The following FMR1 variants were observed in gnomAD, a reference collection of about 807,000 sequenced individuals.
The protein encoded by FMR1 is fragile X messenger ribonucleoprotein 1, also known as FMRP translational regulator 1.
Under a neutral mutation model 50.6 loss-of-function variants are expected in FMR1, and 13 were observed. The observed-to-expected ratio is 0.26, with a 90% CI of 0.17 to 0.41. FMR1 has a LOEUF of 0.41. FMR1 is among the 10% of genes least tolerant of loss of function. The probability of loss-of-function intolerance (pLI) is 1.00; values close to 1 mark genes in which losing one functional copy is unlikely to be tolerated. For synonymous variants in FMR1, 138 were observed against 164.1 expected (o/e 0.84, Z 1.22); for missense variants, 316 against 491.3 (o/e 0.64, Z 3.37).
At chrX:147,929,598 G>A (rs1049940636) in intron 5 of FMR1, among the ~76,000 whole-genome samples, 7 of 107,610 alleles carry the variant, frequency 6.5e-5, no homozygotes, top group Admixed American at 2.0e-4. Flanking sequence ...TAAAAAAAAA[G>A]GAAAAAAAAA....
chrX:147,944,465 A>G (rs2044106814), intron 14 of FMR1: 2 of 751,703 alleles, frequency 2.7e-6, no homozygotes, highest in Non-Finnish European at 3.1e-6. Flanking sequence ...TCCTGGGCCA[A>G]ATCTTGCTAA....
intron 3 of FMR1, among the ~76,000 whole-genome samples, chrX:147,926,931 A>C (rs1468902962): frequency 2.7e-5 from 3 of 111,953 alleles, no homozygotes; most frequent in African/African-American, 9.7e-5. Flanking sequence ...AAGGGAGAGG[A>C]TGAAAGGTGA....
chrX:147,922,602 G>A (rs1326330329), intron 2 of FMR1, among the ~76,000 whole-genome samples: 3 of 111,633 alleles, frequency 2.7e-5, no homozygotes, highest in Non-Finnish European at 5.7e-5. Context: ...TTGACTAAAT[G>A]TTTTGAATGC....
At chrX:147,915,951 G>A (rs191789133) in intron 1 of FMR1, among the ~76,000 whole-genome samples, 1 of 112,295 alleles carries the variant, frequency 8.9e-6, no homozygotes, top group African/African-American at 3.2e-5. Flanking sequence ...GTCTTTGATT[G>A]TATTTTGTGC....
In FMR1 at chrX:147,932,508, T is replaced by C. The variant is rs200138498; in HGVS notation, c.714T>C (p.Gly238=). The change falls in exon 8 of 17, where the codon GGT becomes GGC. Residue 238 remains glycine (G), a synonymous_variant. Coordinates refer to ENST00000370475, the MANE Select transcript of FMR1 (RefSeq NM_002024.6). ...DLMGLAIGTH[G]ANIQQARKVP... is the part of the protein sequence containing the mutation. Reference sequence around the variant, plus strand: ...TGGGTCTAGCTATTGGTACTCATGGTGCTAATATTCAGCAAGCTAGAAAAG... The same window carrying C: ...TGGGTCTAGCTATTGGTACTCATGGCGCTAATATTCAGCAAGCTAGAAAAG... 7.1e-5 allele frequency: 86 copies of C among 1,204,235 alleles called. 1 individual carries two copies. The Middle Eastern group carries it at 3.9e-3, about 55-fold the overall frequency.
chrX:147,943,095 A>T, intron 13 of FMR1, 36 bp from the exon 14 acceptor site: 1 of 1,099,578 alleles, frequency 9.1e-7, no homozygotes, highest in Non-Finnish European at 1.3e-6. Flanking sequence ...TAAAATGTCA[A>T]ATTATTTTTA....
intron 3 of FMR1, among the ~76,000 whole-genome samples, chrX:147,926,497 T>C (rs189834092): frequency 1.8e-5 from 2 of 110,467 alleles, no homozygotes; most frequent in Non-Finnish European, 3.8e-5. Context: ...TTTATTTATT[T>C]ATTTATTTTT....
At chrX:147,943,563 C>A (rs782347983) in intron 14 of FMR1, 124 of 395,292 alleles carry the variant, frequency 3.1e-4, no homozygotes, top group Non-Finnish European at 5.1e-4. Flanking sequence ...CTGCAAAGCC[C>A]TTGTGTGTTG....
chrX:147,948,673 C>T lies in FMR1; in HGVS notation c.1738-10C>T, dbSNP rs1557182613. 8.3e-7 allele frequency: 1 copy of T among 1,211,414 alleles called. No homozygotes were observed. Among genetic ancestry groups the T allele is most frequent in the South Asian group, 1.8e-5 (1 of 56,984 alleles). The stretch of plus-strand genomic sequence containing the variant: ...TGGTCTGTGTATATAACAACTATAA[C>T]TTGTTTTAGATCAGAGTTGACTGCA... On this transcript the variant is annotated splice_polypyrimidine_tract_variant and intron_variant, in intron 16 of 16. Coordinates refer to ENST00000370475, the MANE Select transcript of FMR1 (RefSeq NM_002024.6).
At chrX:147,921,576 G>T (rs1014968794) in intron 1 of FMR1, among the ~76,000 whole-genome samples, 12 of 111,247 alleles carry the variant, frequency 1.1e-4, no homozygotes, top group African/African-American at 3.9e-4. Context: ...GCTGATATAT[G>T]GTTCTGGAAC....
At chrX:147,915,259 G>A (rs1557174921) in intron 1 of FMR1, among the ~76,000 whole-genome samples, 1 of 111,843 alleles carries the variant, frequency 8.9e-6, no homozygotes, top group African/African-American at 3.3e-5. Flanking sequence ...GAAGATATTA[G>A]TGGTCTAACA....
chrX:147,924,099 A>C (rs1786924003), intron 2 of FMR1, among the ~76,000 whole-genome samples: 1 of 110,792 alleles, frequency 9.0e-6, no homozygotes, highest in African/African-American at 3.3e-5. Context: ...TAAAATCATT[A>C]TTTTTTCCTT....
Position 147,949,969 on chromosome X carries a change from T to C in FMR1, c.*1125T>C, listed in dbSNP as rs1557183192. The C allele has an allele frequency of 3.1e-6, 1 of 321,181 alleles. No homozygotes were observed. 26.5% of individuals were successfully genotyped at this position (321,181 alleles called of 1,213,427 possible). A position where few individuals can be genotyped will look rare whatever the true frequency, so the allele number is the denominator to read the frequency against. On this transcript the variant is annotated 3_prime_UTR_variant, in exon 17 of 17. Coordinates refer to ENST00000370475, the MANE Select transcript of FMR1 (RefSeq NM_002024.6). ...GTTTTGTAAACTTTGAAATATATGGTCTAATGTTTAAGCAGAATTGGAAAA... is the reference window on the plus strand; with the variant it reads ...GTTTTGTAAACTTTGAAATATATGGCCTAATGTTTAAGCAGAATTGGAAAA...
rs1332121578 is a variant in FMR1 at position 147,949,659 on chromosome X, A to G, written c.*815A>G. On this transcript the variant is annotated 3_prime_UTR_variant, in exon 17 of 17. Coordinates refer to ENST00000370475, the MANE Select transcript of FMR1 (RefSeq NM_002024.6). ...AGATGTGTAATTTTTCTGTATAGAC[A>G]GGAGAAGAAAGAACTATCTTCATCT... 3 of 327,817 alleles carry G rather than the reference A, an allele frequency of 9.2e-6. No homozygotes were observed. Among genetic ancestry groups the G allele is most frequent in the Non-Finnish European group, 1.8e-5 (3 of 169,638 alleles). The allele number at this position is 327,817 out of a possible 1,213,427, so 27.0% of individuals were successfully genotyped here.
At position 147,928,464 on chromosome X, in the gene FMR1, G is replaced by A. The variant is rs1252484282; in HGVS notation, c.270+71G>A. On this transcript the variant is annotated intron_variant, in intron 4 of 16. Coordinates refer to ENST00000370475, the MANE Select transcript of FMR1 (RefSeq NM_002024.6). Reference sequence around the variant, plus strand: ...TTTTAAACCCAGGTTGTACATTCCCGTGTGGATTTCTATTTTGAAGTAATA... The same window carrying A: ...TTTTAAACCCAGGTTGTACATTCCCATGTGGATTTCTATTTTGAAGTAATA... The A allele has an allele frequency of 6.4e-5, 56 of 876,716 alleles. 1 individual carries two copies. Among genetic ancestry groups the A allele is most frequent in the South Asian group, 3.6e-4 (17 of 46,636 alleles). The allele number at this position is 876,716 out of a possible 1,213,427, so 72.3% of individuals were successfully genotyped here.
intron 2 of FMR1, among the ~76,000 whole-genome samples, chrX:147,924,467 T>TTGTGTGTGTGTG (rs3999731): frequency 1.1e-4 from 10 of 91,085 alleles, no homozygotes; most frequent in African/African-American, 4.3e-4. Context: ...AGTATTTTAT[T>TTGTGTGTGTGTG]TGTGTGTGTG....
intron 1 of FMR1, among the ~76,000 whole-genome samples, chrX:147,918,203 C>T (rs1215923371): frequency 9.0e-6 from 1 of 110,965 alleles, no homozygotes; most frequent in Non-Finnish European, 1.9e-5. Context: ...CCAAAAGCGA[C>T]GGCTATTGGA....
chrX:147,948,860 A>G lies in FMR1; in HGVS notation c.*16A>G. On this transcript the variant is annotated 3_prime_UTR_variant, in exon 17 of 17. Coordinates refer to ENST00000370475, the MANE Select transcript of FMR1 (RefSeq NM_002024.6). ...AGTACCCTAAACTGCATAATTCTGA[A>G]GTTATATTTCCTATACCATTTCCGT... 8.3e-7 allele frequency: 1 copy of G among 1,201,412 alleles called. No individual in the cohort carries two copies. Among genetic ancestry groups the G allele is most frequent in the Non-Finnish European group, 1.1e-6 (1 of 885,958 alleles).
chrX:147,929,890 T>G, intron 5 of FMR1, 58 bp from the exon 6 acceptor site: 3 of 781,826 alleles, frequency 3.8e-6, no homozygotes, highest in Non-Finnish European at 5.7e-6. Flanking sequence ...TCTGCCTGCA[T>G]TTATTTATGT....
Sources: allele counts gnomAD v4.1 joint callset (sites outside exome capture counted in the v4.1 genomes callset), GRCh38; gene constraint gnomAD v4.1.1; transcripts MANE v1.5; gene names NCBI Gene and HGNC (gene_info 2026-07-23, HGNC 2026-07-21).